The following ABCC4 variants were observed in gnomAD, a reference collection of about 807,000 sequenced individuals.
ABCC4 encodes the protein ATP-binding cassette sub-family C member 4.
A neutral mutation model predicts 168.5 loss-of-function variants in ABCC4; 102 were observed. The ratio of observed to expected loss-of-function variants is 0.61; its 90% CI spans 0.52 to 0.71. The LOEUF is 0.71. Among genes scored for constraint, ABCC4 ranks in the 30% least tolerant of loss-of-function variants. The pLI is 0.00. For synonymous variants in ABCC4, 617 were observed against 590.7 expected, an observed-to-expected ratio of 1.04 and a Z score of -0.65; for missense variants, 1,402 against 1,605.8, an observed-to-expected ratio of 0.87 and a Z score of 2.17.
intron 1 of ABCC4, among the ~76,000 whole-genome samples, chr13:95,282,721 G>C (rs900546789): frequency 6.6e-6 from 1 of 151,528 alleles, no homozygotes; most frequent in African/African-American, 2.4e-5. Flanking sequence ...TTTTAGTAGA[G>C]ACAGGGTTTC....
chr13:95,074,118 T>G, intron 23 of ABCC4, 96 bp downstream of exon 23: 9 of 905,880 alleles, frequency 9.9e-6, no homozygotes, highest in Non-Finnish European at 1.2e-5. Context: ...GACCAAACAG[T>G]ATGTAGTAGT....
chr13:95,191,279 A>G (rs117507706), intron 9 of ABCC4, among the ~76,000 whole-genome samples: 1 of 152,366 alleles, frequency 6.6e-6, no homozygotes, highest in Non-Finnish European at 1.5e-5. Context: ...ATTTCTATAA[A>G]TGGTCAAATG....
chr13:95,021,085 T>C lies in ABCC4; in HGVS notation c.*490A>G, dbSNP rs1218927261. The stretch of plus-strand genomic sequence containing the variant: ...TTTTGTTGTTCCTATTGGTTGTAAC[T>C]GTACTATTTTCTAACAAGAAGCCTT... On this transcript the variant is annotated 3_prime_UTR_variant, in exon 31 of 31. Coordinates refer to ENST00000645237, the MANE Select transcript of ABCC4 (RefSeq NM_005845.5). 3 of 153,614 alleles carry C rather than the reference T, an allele frequency of 2.0e-5. No homozygotes were observed. Among genetic ancestry groups the C allele is most frequent in the South Asian group, 2.1e-4 (1 of 4,876 alleles). 9.5% of individuals were successfully genotyped at this position (153,614 alleles called of 1,614,324 possible). A position where few individuals can be genotyped will look rare whatever the true frequency, so the allele number is the denominator to read the frequency against.
intron 27 of ABCC4, among the ~76,000 whole-genome samples, chr13:95,044,849 A>G (rs1461268968): frequency 6.6e-6 from 1 of 152,226 alleles, no homozygotes; most frequent in Non-Finnish European, 1.5e-5. Flanking sequence ...TAGAGAGACA[A>G]TAAGAGTGAT....
At chr13:95,027,856 G>A (rs1055357436) in intron 30 of ABCC4, among the ~76,000 whole-genome samples, 4 of 152,146 alleles carry the variant, frequency 2.6e-5, no homozygotes, top group African/African-American at 9.7e-5. Flanking sequence ...CTCAATAAAT[G>A]TAAATGTACT....
chr13:95,270,544 C>A (rs966170352), intron 1 of ABCC4, among the ~76,000 whole-genome samples: 1 of 152,086 alleles, frequency 6.6e-6, no homozygotes, highest in Non-Finnish European at 1.5e-5. Flanking sequence ...TTGGTGAGAC[C>A]CTGTGGCACA....
Position 95,159,346 on chromosome 13 carries a change from C to T in ABCC4, c.2455+1843G>A, listed in dbSNP as rs540875175. 4.0e-5 allele frequency among the ~76,000 whole-genome samples: 6 copies of T among 151,556 alleles called. No homozygotes were observed. In the East Asian group the frequency reaches 9.7e-4, roughly 25 times the overall value. On this transcript the variant is annotated intron_variant, in intron 19 of 30. Transcript: ENST00000645237. Reference sequence around the variant, plus strand: ...CTCTAAACATTTTGGACAAAGTAGACCTCTCTTGGGGTACTTATTTGGGCT... The same window carrying T: ...CTCTAAACATTTTGGACAAAGTAGATCTCTCTTGGGGTACTTATTTGGGCT...
intron 3 of ABCC4, among the ~76,000 whole-genome samples, chr13:95,235,542 C>T (rs2039742127): frequency 6.6e-6 from 1 of 152,224 alleles, no homozygotes; most frequent in Non-Finnish European, 1.5e-5. Context: ...AGCCCACAGG[C>T]TCGTCTATGG....
At chr13:95,234,510 T>G (rs561793092) in intron 4 of ABCC4, 100 bp downstream of exon 4, 113 of 934,950 alleles carry the variant, frequency 1.2e-4, no homozygotes, top group Admixed American at 2.4e-4. Flanking sequence ...CAGGCTGGAG[T>G]GCAGTGGCTA....
Position 95,206,727 on chromosome 13 carries a change from A to G in ABCC4, c.966T>C (p.Ala322=), listed in dbSNP as rs774697628. 4.3e-6 allele frequency: 7 copies of G among 1,614,052 alleles called. No homozygotes were observed. The highest frequency in any genetic ancestry group is 5.9e-6 in the Non-Finnish European group (7 of 1,180,020). The stretch of plus-strand genomic sequence containing the variant: ...TGATTTTGCTTGCACTGAAAAATGA[A>G]GCCAAATTCATCCCTCTGAGGCAGG... ...RSSCLRGMNL[A]SFFSASKIIV... Residue 322 remains alanine (A), a synonymous_variant, in exon 8 of 31, where the codon GCT becomes GCC. Transcript: ENST00000645237.
chr13:95,262,546 T>C (rs1343772238), intron 1 of ABCC4, among the ~76,000 whole-genome samples: 1 of 152,184 alleles, frequency 6.6e-6, no homozygotes, highest in African/African-American at 2.4e-5. Context: ...CTTGCAGTCC[T>C]TCACGGACAT....
chr13:95,292,705 T>G (rs756050964), intron 1 of ABCC4, among the ~76,000 whole-genome samples: 3 of 152,116 alleles, frequency 2.0e-5, no homozygotes, highest in Non-Finnish European at 4.4e-5. Context: ...CTGTACTGAG[T>G]GTGGGCTAGA....
intron 19 of ABCC4, among the ~76,000 whole-genome samples, chr13:95,141,212 A>T (rs760474659): frequency 5.3e-5 from 8 of 152,222 alleles, no homozygotes; most frequent in Non-Finnish European, 1.2e-4. Flanking sequence ...TGACATTACA[A>T]GTCGGAGGCA....
rs115938387 is a variant in ABCC4 at position 95,299,426 on chromosome 13, C to T, written c.74+1815G>A. Among the ~76,000 whole-genome samples the T allele has an allele frequency of 9.9e-3, 1,503 of 152,274 alleles. 28 individuals are homozygous for T. Among genetic ancestry groups the T allele is most frequent in the African/African-American group, 0.035 (1,439 of 41,548 alleles). On this transcript the variant is annotated intron_variant, in intron 1 of 30. Transcript: ENST00000645237. ...GCCAAACAACCAAGAGAAGTTCCTA[C>T]ACCCACTGAGTGTACCACAATCGAA...
At chr13:95,057,190 C>T (rs146180810) in intron 26 of ABCC4, among the ~76,000 whole-genome samples, 94 of 152,098 alleles carry the variant, frequency 6.2e-4, no homozygotes, top group African/African-American at 2.3e-3. Context: ...TTTCACTGTT[C>T]GCTTCTTCCT....
At position 95,178,187 on chromosome 13, in the gene ABCC4, C is replaced by T. The variant is rs988698706; in HGVS notation, c.1546-96G>A. 1.2e-4 allele frequency: 126 copies of T among 1,063,836 alleles called. No individual in the cohort carries two copies. In the East Asian group the frequency reaches 2.5e-3, roughly 21 times the overall value. 65.9% of individuals were successfully genotyped at this position (1,063,836 alleles called of 1,614,324 possible). ...TTCCAAAGTTATCCTAAACTTTGCACATTAGTTCTTCAGAAATTTACATGT... is the reference window on the plus strand; with the variant it reads ...TTCCAAAGTTATCCTAAACTTTGCATATTAGTTCTTCAGAAATTTACATGT... On this transcript the variant is annotated intron_variant, in intron 11 of 30. Coordinates refer to ENST00000645237, the MANE Select transcript of ABCC4 (RefSeq NM_005845.5).
At chr13:95,080,277 C>G (rs1413703678) in intron 21 of ABCC4, among the ~76,000 whole-genome samples, 2 of 152,196 alleles carry the variant, frequency 1.3e-5, no homozygotes, top group Non-Finnish European at 2.9e-5. Context: ...GTGGAGGTGG[C>G]TAGAGAAATG....
intron 11 of ABCC4, among the ~76,000 whole-genome samples, chr13:95,184,171 T>C (rs1047398563): frequency 2.7e-4 from 41 of 152,298 alleles, no homozygotes; most frequent in African/African-American, 9.4e-4. Flanking sequence ...TCCGAGTTAC[T>C]GGGCCAGTCC....
intron 4 of ABCC4, among the ~76,000 whole-genome samples, chr13:95,232,172 C>A (rs908071659): frequency 1.3e-5 from 2 of 150,722 alleles, no homozygotes; most frequent in Non-Finnish European, 3.0e-5. Context: ...TGATGAAGAC[C>A]CCTTGACTAG....
Sources: gnomAD v4.1 joint callset for allele counts (sites outside exome capture counted in the v4.1 genomes callset) on GRCh38, gnomAD v4.1.1 for gene constraint, MANE v1.5 for transcripts, NCBI Gene and HGNC (gene_info 2026-07-23, HGNC 2026-07-21) for gene names.